SLC35F1: variants seen among roughly 807,000 people sequenced by gnomAD.
The protein encoded by SLC35F1 is chromosome 6 open reading frame 169.
In SLC35F1, 14 loss-of-function variants were observed where a neutral mutation model predicts 48.7. The ratio of observed to expected loss-of-function variants is 0.29; its 90% confidence interval spans 0.19 to 0.45. SLC35F1 has a LOEUF of 0.45. SLC35F1 is among the 20% of genes least tolerant of loss of function. The pLI is 1.00. For synonymous variants in SLC35F1, 190 were observed against 202.2 expected (o/e 0.94, Z 0.51); for missense variants, 404 against 500.0 (o/e 0.81, Z 1.83).
intron 1 of SLC35F1, among the ~76,000 whole-genome samples, chr6:117,923,506 T>C (rs201382735): frequency 4.2e-5 from 6 of 144,166 alleles, no homozygotes; most frequent in African/African-American, 2.5e-5. Flanking sequence ...AATATATATA[T>C]ACACATACAT....
chr6:117,967,489 T>C (rs1776585742), intron 1 of SLC35F1, among the ~76,000 whole-genome samples: 1 of 152,194 alleles, frequency 6.6e-6, no homozygotes, highest in Non-Finnish European at 1.5e-5. Context: ...CTCATCCTCT[T>C]ATGGTTTAAT....
chr6:118,312,529 A>T (rs1054882263), intron 7 of SLC35F1, among the ~76,000 whole-genome samples: 1 of 152,240 alleles, frequency 6.6e-6, no homozygotes, highest in Non-Finnish European at 1.5e-5. Context: ...AGTCTAGTAC[A>T]TAAATCCATC....
intron 1 of SLC35F1, among the ~76,000 whole-genome samples, chr6:118,003,099 C>A (rs1444381758): frequency 6.6e-6 from 1 of 152,114 alleles, no homozygotes; most frequent in African/African-American, 2.4e-5. Flanking sequence ...AATGAACTGA[C>A]AATAAGTGTG....
intron 2 of SLC35F1, among the ~76,000 whole-genome samples, chr6:118,185,927 C>A (rs1774650334): frequency 6.6e-6 from 1 of 152,174 alleles, no homozygotes; most frequent in Admixed American, 6.5e-5. Context: ...CTCTCCCTCC[C>A]AAAACCCATA....
intron 7 of SLC35F1, among the ~76,000 whole-genome samples, chr6:118,297,574 TA>T (rs1275951167): frequency 6.7e-6 from 1 of 149,744 alleles, no homozygotes; most frequent in Non-Finnish European, 1.5e-5. Context: ...GTCTACTCTT[TA>T]AATTCAAAGG....
intron 1 of SLC35F1, among the ~76,000 whole-genome samples, chr6:117,929,511 A>G (rs1358354862): frequency 6.6e-6 from 1 of 151,504 alleles, no homozygotes; most frequent in Non-Finnish European, 1.5e-5. Flanking sequence ...AGACAGAGAG[A>G]GAGATTGATT....
At chr6:117,937,478 C>A (rs1776175790) in intron 1 of SLC35F1, among the ~76,000 whole-genome samples, 1 of 152,140 alleles carries the variant, frequency 6.6e-6, no homozygotes, top group African/African-American at 2.4e-5. Flanking sequence ...CACTAAAAAA[C>A]TCCTGCCCAA....
At chr6:118,101,250 TG>T (rs575668353) in intron 1 of SLC35F1, among the ~76,000 whole-genome samples, 19 of 152,144 alleles carry the variant, frequency 1.2e-4, no homozygotes, top group Non-Finnish European at 2.5e-4. Flanking sequence ...GAGCTCTGCA[TG>T]GTGGAGGCTG....
At position 117,923,614 on chromosome 6, in the gene SLC35F1, C is replaced by CGT. The variant is rs1775937923; in HGVS notation, c.173+15715_173+15716insGT. 4.1e-4 allele frequency among the ~76,000 whole-genome samples: 8 copies of CGT among 19,396 alleles called. 2 individuals are homozygous for CGT. The highest frequency in any genetic ancestry group is 1.4e-3 in the African/African-American group (3 of 2,112). The allele number at this position is 19,396 out of a possible 152,430, so 12.7% of individuals were successfully genotyped here. A position where few individuals can be genotyped will look rare whatever the true frequency, so the allele number is the denominator to read the frequency against. ...ATACATATGTGTATATATACATATA[C>CGT]ATATGTATATATACATATATGTACA... On this transcript the variant is annotated intron_variant, in intron 1 of 7. Transcript: ENST00000360388.
intron 2 of SLC35F1, among the ~76,000 whole-genome samples, chr6:118,156,983 A>G (rs1696799306): frequency 6.6e-6 from 1 of 152,234 alleles, no homozygotes; most frequent in African/African-American, 2.4e-5. Context: ...GAAATGTAGT[A>G]AAATGCCTAG....
intron 7 of SLC35F1, among the ~76,000 whole-genome samples, chr6:118,299,015 C>CA (rs1776225700): frequency 6.6e-6 from 1 of 151,984 alleles, no homozygotes; most frequent in African/African-American, 2.4e-5. Flanking sequence ...TCTCTACAAA[C>CA]ATATATATTT....
At chr6:117,930,793 T>C (rs1776090298) in intron 1 of SLC35F1, among the ~76,000 whole-genome samples, 1 of 152,192 alleles carries the variant, frequency 6.6e-6, no homozygotes, top group African/African-American at 2.4e-5. Context: ...AGATTTCTGT[T>C]GCAGTGGGCA....
chr6:118,216,813 A>T (rs993147807), intron 2 of SLC35F1, among the ~76,000 whole-genome samples: 1 of 152,314 alleles, frequency 6.6e-6, no homozygotes, highest in East Asian at 1.9e-4. Flanking sequence ...ACATGGATAT[A>T]TTACAGAACT....
At chr6:118,005,963 T>G (rs1777167815) in intron 1 of SLC35F1, among the ~76,000 whole-genome samples, 1 of 152,200 alleles carries the variant, frequency 6.6e-6, no homozygotes, top group South Asian at 2.1e-4. Context: ...TTATTTTTGT[T>G]AATTATATAA....
chr6:118,155,403 T>C (rs1424624972), intron 2 of SLC35F1, among the ~76,000 whole-genome samples: 2 of 152,188 alleles, frequency 1.3e-5, no homozygotes, highest in Non-Finnish European at 2.9e-5. Context: ...CCGTCCTGAA[T>C]AGATTAATGC....
chr6:118,095,021 A>C (rs1773130639), intron 1 of SLC35F1, among the ~76,000 whole-genome samples: 1 of 151,508 alleles, frequency 6.6e-6, no homozygotes, highest in Non-Finnish European at 1.5e-5. Flanking sequence ...GATTCGAGCT[A>C]CTCGAGAGGC....
intron 4 of SLC35F1, among the ~76,000 whole-genome samples, chr6:118,271,331 G>T (rs1171459509): frequency 1.3e-5 from 2 of 152,100 alleles, no homozygotes; most frequent in African/African-American, 4.8e-5. Flanking sequence ...GTAACACTTA[G>T]TCCTTATTTT....
At position 118,317,179 on chromosome 6, in the gene SLC35F1, A is replaced by G. The variant is rs948212961; in HGVS notation, c.*2927A>G. 1 of 152,584 alleles carries G rather than the reference A, an allele frequency of 6.6e-6. No individual in the cohort carries two copies. Among genetic ancestry groups the G allele is most frequent in the African/African-American group, 2.4e-5 (1 of 41,450 alleles). 9.5% of individuals were successfully genotyped at this position (152,584 alleles called of 1,614,324 possible). On this transcript the variant is annotated 3_prime_UTR_variant, in exon 8 of 8. Transcript: ENST00000360388. ...ATTCTCCTGAACCCTGCTAGAGATT[A>G]AGTGGTGGTTCTCACTTCCTCAATG...
At chr6:117,918,210 A>G (rs959714) in intron 1 of SLC35F1, among the ~76,000 whole-genome samples, 103,867 of 151,866 alleles carry the variant, frequency 0.68, 36,633 homozygotes, top group South Asian at 0.88. Flanking sequence ...ATAGAGTGTA[A>G]GGAGAGTCTT....
Sources: allele counts gnomAD v4.1 joint callset (sites outside exome capture counted in the v4.1 genomes callset), GRCh38; gene constraint gnomAD v4.1.1; transcripts MANE v1.5; gene names NCBI Gene and HGNC (gene_info 2026-07-23, HGNC 2026-07-21).